CDYL2: variants seen among roughly 807,000 people sequenced by gnomAD.
The protein encoded by CDYL2 is chromodomain Y like 2.
Under a neutral mutation model 49.4 loss-of-function variants are expected in CDYL2, and 23 were observed. The observed-to-expected ratio is 0.47, with a 90% confidence interval of 0.34 to 0.66. CDYL2 has a LOEUF of 0.66. Ranked by LOEUF, CDYL2 falls within the 30% of genes least tolerant of loss-of-function variation. The pLI, the probability that CDYL2 is intolerant of heterozygous loss-of-function variation, is 0.01. For synonymous variants in CDYL2, 360 were observed against 268.8 expected (o/e 1.34, Z -3.32); for missense variants, 678 against 656.4 (o/e 1.03, Z -0.36).
At chr16:80,800,663 G>A (rs1374057551) in intron 1 of CDYL2, among the ~76,000 whole-genome samples, 3 of 152,028 alleles carry the variant, frequency 2.0e-5, no homozygotes, top group Non-Finnish European at 4.4e-5. Flanking sequence ...AAGAGGCCAT[G>A]AGCTTGGGAA....
chr16:80,662,571 G>A (rs1182961372), intron 2 of CDYL2, among the ~76,000 whole-genome samples: 4 of 152,152 alleles, frequency 2.6e-5, no homozygotes, highest in Admixed American at 1.3e-4. Flanking sequence ...GGGGTATACG[G>A]ATGGGCAGAA....
chr16:80,601,467 T>TG lies in CDYL2; in HGVS notation c.*2920dup, dbSNP rs1176943973. On this transcript the variant is annotated 3_prime_UTR_variant, in exon 7 of 7. Transcript: ENST00000570137. ...TGCCCAGGCTCTTGGGAGTGACTTATGGGGGAAGGTACGGGAAAATGGTAG... is the reference window on the plus strand; with the variant it reads ...TGCCCAGGCTCTTGGGAGTGACTTATGGGGGGAAGGTACGGGAAAATGGTAG... 6.6e-6 allele frequency: 1 copy of TG among 151,914 alleles called. No homozygotes were observed. The highest frequency in any genetic ancestry group is 1.9e-4 in the East Asian group (1 of 5,192). 9.4% of individuals were successfully genotyped at this position (151,914 alleles called of 1,614,324 possible). A position where few individuals can be genotyped will look rare whatever the true frequency, so the allele number is the denominator to read the frequency against.
intron 2 of CDYL2, among the ~76,000 whole-genome samples, chr16:80,656,194 G>A (rs1032040079): frequency 6.6e-6 from 1 of 152,250 alleles, no homozygotes; most frequent in Non-Finnish European, 1.5e-5. Context: ...AAAGTGCCCA[G>A]CACACTCCAG....
At chr16:80,744,230 G>T (rs977706516) in intron 1 of CDYL2, among the ~76,000 whole-genome samples, 1 of 152,130 alleles carries the variant, frequency 6.6e-6, no homozygotes, top group East Asian at 1.9e-4. Flanking sequence ...GGGAACACAC[G>T]CTGGGTCTGG....
chr16:80,701,922 T>C (rs1486994415), intron 1 of CDYL2, among the ~76,000 whole-genome samples: 1 of 152,176 alleles, frequency 6.6e-6, no homozygotes, highest in Non-Finnish European at 1.5e-5. Flanking sequence ...CTTGTGAGTG[T>C]AGCATTAGGA....
intron 1 of CDYL2, among the ~76,000 whole-genome samples, chr16:80,754,347 G>A (rs553660486): frequency 6.6e-6 from 1 of 152,106 alleles, no homozygotes; most frequent in Non-Finnish European, 1.5e-5. Context: ...GGGGCTGGGT[G>A]GACAAGAATC....
intron 2 of CDYL2, among the ~76,000 whole-genome samples, chr16:80,638,760 T>C (rs1907951249): frequency 6.6e-6 from 1 of 151,972 alleles, no homozygotes; most frequent in Non-Finnish European, 1.5e-5. Context: ...CTGGAACAAA[T>C]GGATATCCAT....
intron 3 of CDYL2, among the ~76,000 whole-genome samples, chr16:80,622,289 C>T (rs1002839533): frequency 2.0e-5 from 3 of 152,146 alleles, no homozygotes; most frequent in Admixed American, 2.0e-4. Context: ...GAACGTCTTC[C>T]CTGGGCCAAG....
At chr16:80,727,890 T>C (rs531014765) in intron 1 of CDYL2, among the ~76,000 whole-genome samples, 187 of 152,316 alleles carry the variant, frequency 1.2e-3, no homozygotes, top group Non-Finnish European at 2.0e-3. Flanking sequence ...CTGAGGGTCC[T>C]GTCTGTTAGA....
intron 1 of CDYL2, among the ~76,000 whole-genome samples, chr16:80,778,442 T>C (rs1351667465): frequency 6.6e-6 from 1 of 151,946 alleles, no homozygotes; most frequent in Non-Finnish European, 1.5e-5. Flanking sequence ...AATTTAAGCA[T>C]GATGTGACTA....
intron 1 of CDYL2, among the ~76,000 whole-genome samples, chr16:80,799,091 C>T (rs968716607): frequency 3.3e-5 from 5 of 151,502 alleles, no homozygotes; most frequent in Non-Finnish European, 7.4e-5. Flanking sequence ...CCCAGTATCC[C>T]GATTTGGTTT....
chr16:80,802,523 G>A (rs568932347), intron 1 of CDYL2, among the ~76,000 whole-genome samples: 11 of 152,314 alleles, frequency 7.2e-5, no homozygotes, highest in African/African-American at 2.4e-4. Flanking sequence ...CACATTTGCC[G>A]AAGTTCTTCA....
intron 1 of CDYL2, chr16:80,736,315 A>G (rs1905527067): frequency 6.6e-6 from 1 of 152,262 alleles, no homozygotes; most frequent in South Asian, 2.1e-4. Context: ...TGCACAGAAT[A>G]CTAACACAAG....
At chr16:80,634,633 A>C (rs1052617442) in intron 2 of CDYL2, among the ~76,000 whole-genome samples, 5 of 152,184 alleles carry the variant, frequency 3.3e-5, no homozygotes, top group African/African-American at 7.2e-5. Flanking sequence ...CTAGAACTTA[A>C]AGTATAATTT....
intron 3 of CDYL2, among the ~76,000 whole-genome samples, chr16:80,622,339 C>A (rs1597129508): frequency 6.6e-6 from 1 of 152,220 alleles, no homozygotes; most frequent in Non-Finnish European, 1.5e-5. Context: ...GCCAATCTCC[C>A]CACCCCTTGT....
chr16:80,721,664 T>G (rs1395262439), intron 1 of CDYL2, among the ~76,000 whole-genome samples: 1 of 152,222 alleles, frequency 6.6e-6, no homozygotes, highest in Non-Finnish European at 1.5e-5. Context: ...GTTTCCCATT[T>G]TATCATCTCT....
chr16:80,622,918 C>T (rs545889820), intron 3 of CDYL2, among the ~76,000 whole-genome samples: 213 of 152,284 alleles, frequency 1.4e-3, no homozygotes, highest in African/African-American at 4.9e-3. Context: ...AGTACTTGCA[C>T]CCCCAACCCC....
chr16:80,613,622 A>G (rs1363463014), intron 4 of CDYL2, among the ~76,000 whole-genome samples: 1 of 152,206 alleles, frequency 6.6e-6, no homozygotes, highest in Non-Finnish European at 1.5e-5. Context: ...TTCTGCACTG[A>G]GCAAGGCATG....
intron 1 of CDYL2, among the ~76,000 whole-genome samples, chr16:80,711,993 ATATATATGTGTG>A (rs1228733584): frequency 1.9e-4 from 28 of 150,670 alleles, no homozygotes; most frequent in African/African-American, 6.4e-4. Flanking sequence ...ATATGTATGT[ATATATATGTGTG>A]TATATATGTG....
Sources: allele counts gnomAD v4.1 joint callset (sites outside exome capture counted in the v4.1 genomes callset), GRCh38; gene constraint gnomAD v4.1.1; transcripts MANE v1.5; gene names NCBI Gene and HGNC (gene_info 2026-07-23, HGNC 2026-07-21).